The following UNC13C variants were observed in gnomAD, a reference collection of about 807,000 sequenced individuals.
UNC13C encodes the protein unc-13 homolog C.
UNC13C carries 174 observed loss-of-function variants against 245.4 expected under a neutral mutation model. The observed-to-expected ratio is 0.71, with a 90% CI of 0.63 to 0.80. The LOEUF is 0.80. UNC13C is among the 30% of genes least tolerant of loss of function. UNC13C has a pLI of 0.00. For missense variants in UNC13C, 2,829 were observed against 2,602.9 expected (o/e 1.09, Z -1.89); for synonymous variants, 992 against 895.1 (o/e 1.11, Z -1.93).
At chr15:54,624,229 A>G (rs1483954546) in intron 32 of UNC13C, among the ~76,000 whole-genome samples, 1 of 152,192 alleles carries the variant, frequency 6.6e-6, no homozygotes. Context: ...ATAAAGTCAC[A>G]AATATTTGTC....
chr15:53,846,662 G>T, the UNC13C span, among the ~76,000 whole-genome samples: 554 of 152,176 alleles, frequency 3.6e-3, 5 homozygotes, highest in African/African-American at 0.013. Context: ...GACATTTTTA[G>T]GTAGTTTTAA....
intron 2 of UNC13C, among the ~76,000 whole-genome samples, chr15:54,090,059 C>T (rs1899479931): frequency 6.6e-6 from 1 of 152,182 alleles, no homozygotes; most frequent in Non-Finnish European, 1.5e-5. Flanking sequence ...TACAGGAGAA[C>T]TCTGACATTG....
chr15:53,929,182 G>T, the UNC13C span, among the ~76,000 whole-genome samples: 1 of 152,102 alleles, frequency 6.6e-6, no homozygotes, highest in Admixed American at 6.5e-5. Flanking sequence ...TTGTGTAGGG[G>T]AACTCCCTTT....
chr15:54,255,922 A>G (rs1468263252), intron 8 of UNC13C, among the ~76,000 whole-genome samples: 1 of 152,202 alleles, frequency 6.6e-6, no homozygotes, highest in Non-Finnish European at 1.5e-5. Flanking sequence ...TAGACTAATA[A>G]TGGAGCATTT....
chr15:54,469,211 A>G (rs534853073), intron 19 of UNC13C, among the ~76,000 whole-genome samples: 2 of 151,520 alleles, frequency 1.3e-5, no homozygotes, highest in South Asian at 4.2e-4. Context: ...TGTGTTCTCA[A>G]TTTCTAATTC....
At chr15:54,172,971 AATC>A (rs1162651538) in intron 4 of UNC13C, among the ~76,000 whole-genome samples, 1 of 151,486 alleles carries the variant, frequency 6.6e-6, no homozygotes, top group Non-Finnish European at 1.5e-5. Flanking sequence ...GCTGTTCCAG[AATC>A]ATTGGTTGAA....
upstream of UNC13C, among the ~76,000 whole-genome samples, chr15:53,975,163 G>A (rs1393916964): frequency 6.6e-6 from 1 of 152,216 alleles, no homozygotes; most frequent in Non-Finnish European, 1.5e-5. Context: ...CCATTTTAAA[G>A]TGACCCATAC....
chr15:54,482,791 G>A (rs1202883031), intron 19 of UNC13C, among the ~76,000 whole-genome samples: 4 of 152,052 alleles, frequency 2.6e-5, no homozygotes, highest in Non-Finnish European at 5.9e-5. Flanking sequence ...GAAAAGCAGT[G>A]TATATTTTAC....
intron 13 of UNC13C, among the ~76,000 whole-genome samples, chr15:54,305,478 G>A (rs1326231861): frequency 1.3e-5 from 2 of 151,950 alleles, no homozygotes; most frequent in Admixed American, 6.6e-5. Flanking sequence ...TGAGCCCTAA[G>A]CTATTGCTGG....
chr15:54,267,171 GT>G (rs1383033178), intron 10 of UNC13C, among the ~76,000 whole-genome samples: 2 of 146,806 alleles, frequency 1.4e-5, no homozygotes, highest in African/African-American at 5.5e-5. Context: ...GTGGACATAT[GT>G]TTTTATTTCT....
chr15:53,875,084 T>G, the UNC13C span, among the ~76,000 whole-genome samples: 3 of 148,930 alleles, frequency 2.0e-5, no homozygotes. Flanking sequence ...AGAGTGAGAC[T>G]CCGTCTCAAA....
chr15:54,114,103 C>T (rs1258498580), intron 2 of UNC13C, among the ~76,000 whole-genome samples: 5 of 152,096 alleles, frequency 3.3e-5, no homozygotes, highest in Non-Finnish European at 7.4e-5. Context: ...AAACCACTGC[C>T]AAAAACACTA....
chr15:53,889,149 C>T, the UNC13C span, among the ~76,000 whole-genome samples: 19 of 152,126 alleles, frequency 1.2e-4, no homozygotes, highest in Non-Finnish European at 1.8e-4. Context: ...GGCAGTTTGG[C>T]CACTTTCACG....
chr15:54,590,795 G>A (rs2141254296), intron 30 of UNC13C, among the ~76,000 whole-genome samples: 1 of 152,210 alleles, frequency 6.6e-6, no homozygotes, highest in African/African-American at 2.4e-5. Context: ...TCTTTCTCTT[G>A]TCTGATTGCT....
intron 2 of UNC13C, among the ~76,000 whole-genome samples, chr15:54,082,392 A>G (rs796826961): frequency 1.3e-5 from 2 of 152,124 alleles, no homozygotes; most frequent in African/African-American, 2.4e-5. Context: ...CTTCTTCTCT[A>G]TCATAATGCC....
intron 2 of UNC13C, among the ~76,000 whole-genome samples, chr15:54,031,184 T>G (rs1443139165): frequency 1.3e-5 from 2 of 152,192 alleles, no homozygotes. Flanking sequence ...TTTATGTCTT[T>G]TCTATTATCA....
In UNC13C at chr15:54,274,504, C is replaced by G. The variant is rs541177087; in HGVS notation, c.3818+9008C>G. On this transcript the variant is annotated intron_variant, in intron 10 of 32. Coordinates refer to ENST00000260323, the MANE Select transcript of UNC13C (RefSeq NM_001080534.3). ...CCTTTGGGAGACCAATAGATTTTTGCTAAATAATCCATCCCAACAAGCAAA... is the reference window on the plus strand; with the variant it reads ...CCTTTGGGAGACCAATAGATTTTTGGTAAATAATCCATCCCAACAAGCAAA... Among the ~76,000 whole-genome samples the G allele has an allele frequency of 5.7e-4, 86 of 152,044 alleles. 1 individual carries two copies. In the South Asian group the frequency reaches 0.017, roughly 31 times the overall value.
At chr15:53,949,363 G>A in the UNC13C span, among the ~76,000 whole-genome samples, 1 of 152,178 alleles carries the variant, frequency 6.6e-6, no homozygotes, top group South Asian at 2.1e-4. Context: ...GGCTGGGAAT[G>A]ATTTATTGAT....
chr15:54,083,050 A>C (rs540272520), intron 2 of UNC13C, among the ~76,000 whole-genome samples: 10 of 152,234 alleles, frequency 6.6e-5, no homozygotes, highest in African/African-American at 2.4e-4. Flanking sequence ...GCATTCCAGT[A>C]GGTGGCAATG....
Sources: gnomAD v4.1 joint callset for allele counts (sites outside exome capture counted in the v4.1 genomes callset) on GRCh38, gnomAD v4.1.1 for gene constraint, MANE v1.5 for transcripts, NCBI Gene and HGNC (gene_info 2026-07-23, HGNC 2026-07-21) for gene names.